The following HPSE2 variants were observed in gnomAD, a reference collection of about 807,000 sequenced individuals.
The protein encoded by HPSE2 is inactive heparanase-2.
HPSE2 carries 38 observed loss-of-function variants against 60.5 expected under a neutral mutation model. The observed-to-expected ratio is 0.63, with a 90% CI of 0.48 to 0.82. The LOEUF (loss-of-function observed/expected upper bound fraction) is 0.82, where lower values mean the gene tolerates loss of function less well. Among genes scored for constraint, HPSE2 ranks in the 40% least tolerant of loss-of-function variants. The pLI, the probability that HPSE2 is intolerant of heterozygous loss-of-function variation, is 0.00. For synonymous variants in HPSE2, 295 were observed against 293.2 expected (o/e 1.01, Z -0.06); for missense variants, 713 against 740.4 (o/e 0.96, Z 0.43).
intron 3 of HPSE2, among the ~76,000 whole-genome samples, chr10:98,973,099 C>A (rs1955998748): frequency 1.3e-5 from 2 of 152,042 alleles, no homozygotes; most frequent in Non-Finnish European, 2.9e-5. Flanking sequence ...GCAGTGATTT[C>A]TACTATACAA....
chr10:98,881,938 G>A (rs937674361), intron 3 of HPSE2, among the ~76,000 whole-genome samples: 6 of 152,036 alleles, frequency 3.9e-5, no homozygotes, highest in African/African-American at 1.4e-4. Context: ...TGTTGAATGT[G>A]GCTATGTGAC....
At position 98,981,834 on chromosome 10, in the gene HPSE2, C is replaced by T. The variant is rs190061040; in HGVS notation, c.610+162404G>A. On this transcript the variant is annotated intron_variant, in intron 3 of 11. Coordinates refer to ENST00000370552, the MANE Select transcript of HPSE2 (RefSeq NM_021828.5). ...TCTAGAAAAGTCAATCCTACCTTTA[C>T]ACTTATATATTCTTTCCCATTTCCC... Among the ~76,000 whole-genome samples, 202 of 152,116 alleles carry T rather than the reference C, an allele frequency of 1.3e-3. 1 individual carries two copies. Among genetic ancestry groups the T allele is most frequent in the African/African-American group, 4.8e-3 (201 of 41,524 alleles).
chr10:99,002,972 G>A (rs1956809850), intron 3 of HPSE2, among the ~76,000 whole-genome samples: 1 of 151,742 alleles, frequency 6.6e-6, no homozygotes, highest in East Asian at 1.9e-4. Flanking sequence ...TTGTACATAT[G>A]TCTCCTATCT....
At chr10:99,253,153 TA>T in the HPSE2 span, among the ~76,000 whole-genome samples, 6 of 151,994 alleles carry the variant, frequency 3.9e-5, no homozygotes, top group Non-Finnish European at 8.8e-5. Context: ...ATATGGAACC[TA>T]AAAACACCTG....
intron 3 of HPSE2, among the ~76,000 whole-genome samples, chr10:98,761,371 C>A (rs1435584513): frequency 6.6e-6 from 1 of 152,088 alleles, no homozygotes; most frequent in Admixed American, 6.6e-5. Flanking sequence ...GTTTCTTAAT[C>A]TCTATTTCAT....
At chr10:98,937,221 C>A (rs1404149664) in intron 3 of HPSE2, among the ~76,000 whole-genome samples, 1 of 143,712 alleles carries the variant, frequency 7.0e-6, no homozygotes, top group Non-Finnish European at 1.5e-5. Context: ...CTAGGGAGTG[C>A]CAGACAGTGG....
intron 3 of HPSE2, among the ~76,000 whole-genome samples, chr10:98,943,249 T>A (rs1196363268): frequency 6.6e-6 from 1 of 150,638 alleles, no homozygotes; most frequent in Non-Finnish European, 1.5e-5. Context: ...CAATAAAAAA[T>A]TATAATAAAA....
intron 3 of HPSE2, among the ~76,000 whole-genome samples, chr10:98,904,915 C>T (rs367992540): frequency 1.1e-4 from 17 of 152,244 alleles, no homozygotes; most frequent in African/African-American, 3.9e-4. Flanking sequence ...AATAGTACTA[C>T]TTGACATTTA....
At chr10:98,984,522 T>C (rs1264221480) in intron 3 of HPSE2, among the ~76,000 whole-genome samples, 1 of 152,000 alleles carries the variant, frequency 6.6e-6, no homozygotes, top group African/African-American at 2.4e-5. Flanking sequence ...TAAAGGTAGA[T>C]AAAACCACAA....
At chr10:99,254,600 T>A in the HPSE2 span, among the ~76,000 whole-genome samples, 14 of 152,262 alleles carry the variant, frequency 9.2e-5, no homozygotes, top group Non-Finnish European at 1.5e-5. Context: ...TGTGATTAGG[T>A]GTAATTTAAT....
At chr10:98,959,225 A>T (rs1955585894) in intron 3 of HPSE2, among the ~76,000 whole-genome samples, 1 of 152,036 alleles carries the variant, frequency 6.6e-6, no homozygotes, top group Admixed American at 6.6e-5. Context: ...TTCTGCTACA[A>T]ATTACAATTC....
intron 9 of HPSE2, among the ~76,000 whole-genome samples, chr10:98,523,998 G>A (rs930848252): frequency 2.0e-5 from 3 of 152,190 alleles, no homozygotes; most frequent in African/African-American, 7.2e-5. Context: ...TTGGCAGAGT[G>A]AAGGATTTCT....
chr10:98,643,717 G>A (rs760164527), intron 6 of HPSE2, among the ~76,000 whole-genome samples: 32 of 152,032 alleles, frequency 2.1e-4, no homozygotes, highest in Non-Finnish European at 3.2e-4. Flanking sequence ...TTGAAAAAAA[G>A]ATCAGATACA....
chr10:99,167,550 T>A (rs1847132429), intron 2 of HPSE2, among the ~76,000 whole-genome samples: 1 of 152,224 alleles, frequency 6.6e-6, no homozygotes, highest in Admixed American at 6.5e-5. Flanking sequence ...TGCCTTTGCA[T>A]CTTTGTCAAA....
chr10:99,160,166 C>A (rs1846768020), intron 2 of HPSE2, among the ~76,000 whole-genome samples: 1 of 150,842 alleles, frequency 6.6e-6, no homozygotes. Flanking sequence ...GATAAGCCAC[C>A]AACTGAGAAA....
chr10:98,942,282 A>C (rs2135157854), intron 3 of HPSE2, among the ~76,000 whole-genome samples: 1 of 143,554 alleles, frequency 7.0e-6, no homozygotes, highest in East Asian at 2.0e-4. Context: ...CTACCATTAG[A>C]GTGAACAGGA....
chr10:98,473,682 G>A (rs11189626), intron 11 of HPSE2, among the ~76,000 whole-genome samples: 61,453 of 151,756 alleles, frequency 0.4, 13,510 homozygotes, highest in African/African-American at 0.6. Flanking sequence ...TTGGAGACTA[G>A]AGCTTTTAGG....
chr10:99,170,561 C>T (rs886411118), intron 2 of HPSE2, among the ~76,000 whole-genome samples: 1 of 152,210 alleles, frequency 6.6e-6, no homozygotes, highest in Non-Finnish European at 1.5e-5. Context: ...GTATTGACCA[C>T]AGCCATGATT....
At chr10:99,080,824 GT>G (rs907053948) in intron 3 of HPSE2, among the ~76,000 whole-genome samples, 1 of 151,880 alleles carries the variant, frequency 6.6e-6, no homozygotes, top group East Asian at 1.9e-4. Flanking sequence ...ATACAATGAG[GT>G]TTTTTTTCAC....
Sources: gnomAD v4.1 joint callset for allele counts (sites outside exome capture counted in the v4.1 genomes callset) on GRCh38, gnomAD v4.1.1 for gene constraint, MANE v1.5 for transcripts, NCBI Gene and HGNC (gene_info 2026-07-23, HGNC 2026-07-21) for gene names.